The following ADCY10 variants were observed in gnomAD, a reference collection of about 807,000 sequenced individuals.
ADCY10 encodes the protein adenylate cyclase type 10.
A neutral mutation model predicts 183.3 loss-of-function variants in ADCY10; 156 were observed. The observed-to-expected ratio is 0.85, with a 90% confidence interval of 0.75 to 0.97. The LOEUF (loss-of-function observed/expected upper bound fraction) is 0.97. Among genes scored for constraint, ADCY10 ranks in the 50% least tolerant of loss-of-function variants. ADCY10 has a pLI of 0.00. For synonymous variants in ADCY10, 645 were observed against 670.0 expected (o/e 0.96, Z 0.58); for missense variants, 1,745 against 1,934.3 (o/e 0.90, Z 1.84).
chr1:167,851,678 G>A (rs180830791), intron 18 of ADCY10, among the ~76,000 whole-genome samples: 86 of 152,180 alleles, frequency 5.7e-4, no homozygotes, highest in African/African-American at 2.0e-3. Context: ...AAAAAAATTA[G>A]TCAGGCATGG....
intron 11 of ADCY10, among the ~76,000 whole-genome samples, chr1:167,879,898 C>G (rs1220385232): frequency 6.6e-6 from 1 of 152,288 alleles, no homozygotes; most frequent in Admixed American, 6.5e-5. Flanking sequence ...CCACTGCTCC[C>G]CTCTCATGAC....
At chr1:167,840,142 G>A (rs1664508481) in intron 21 of ADCY10, among the ~76,000 whole-genome samples, 1 of 151,920 alleles carries the variant, frequency 6.6e-6, no homozygotes, top group Admixed American at 6.6e-5. Flanking sequence ...TGAGGTGGGA[G>A]GATGGCTTGA....
chr1:167,823,663 T>C (rs1663072933), intron 28 of ADCY10, among the ~76,000 whole-genome samples: 1 of 152,134 alleles, frequency 6.6e-6, no homozygotes, highest in Non-Finnish European at 1.5e-5. Context: ...TTCAGTAAAG[T>C]CCCTTCCTGG....
Position 167,893,866 on chromosome 1 carries a change from C to T in ADCY10, c.815G>A (p.Ser272Asn). ...EMSLQKYVME[S>N]ILKQIDNKQL... is the part of the protein sequence containing the mutation. ...TTTTGAAAATACCTGCTTCAAAATG[C>T]TTTCCATCACATACTTTTGTAGGGA... The change falls in exon 8 of 33, where the codon AGC becomes AAC. Residue 272 changes from serine (S) to asparagine (N), a missense_variant. Physicochemically the swap from Ser to Asn is conservative, Grantham distance 46. Transcript: ENST00000367851. 1 of 1,612,916 alleles carries T rather than the reference C, an allele frequency of 6.2e-7. No homozygotes were observed. The highest frequency in any genetic ancestry group is 8.5e-7 in the Non-Finnish European group (1 of 1,179,270).
intron 26 of ADCY10, among the ~76,000 whole-genome samples, chr1:167,826,231 A>G (rs4656561): frequency 0.41 from 61,933 of 152,088 alleles, 12,892 homozygotes; most frequent in Admixed American, 0.46. Context: ...GTGGTGGGGG[A>G]AGAGAGAAGT....
At chr1:167,855,312 C>T (rs1665809112) in intron 17 of ADCY10, among the ~76,000 whole-genome samples, 1 of 150,808 alleles carries the variant, frequency 6.6e-6, no homozygotes, top group African/African-American at 2.5e-5. Context: ...GAGAGCGAAA[C>T]TAGGTCTAAA....
rs145800991 is a variant in ADCY10, at chr1:167,848,394, G to T, written c.2404C>A (p.Leu802Met). 128 of 1,613,894 alleles carry T rather than the reference G, an allele frequency of 7.9e-5. No individual in the cohort carries two copies. Among genetic ancestry groups the T allele is most frequent in the Non-Finnish European group, 1.0e-4 (123 of 1,179,970 alleles). The change falls in exon 19 of 33, where the codon CTG (leucine) becomes ATG (methionine). Residue 802 changes from leucine (L) to methionine (M), a missense_variant. Coordinates refer to ENST00000367851, the MANE Select transcript of ADCY10 (RefSeq NM_018417.6). ...GACGTTGGAGGTGACAGGTTTTTCA[G>T]TCTGACACCACTTGTGAGGTGACAG... is the stretch of plus-strand genomic sequence containing the variant. ...EVCHLTSGVR[L>M]KNLSPPTSLK...
chr1:167,836,990 A>C (rs1664255965), intron 22 of ADCY10: 1 of 448,712 alleles, frequency 2.2e-6, no homozygotes, highest in Admixed American at 3.4e-5. Context: ...GTGGCATTGC[A>C]CTCCAGCCTG....
chr1:167,903,049 G>A (rs989475620), intron 3 of ADCY10, among the ~76,000 whole-genome samples: 1 of 152,138 alleles, frequency 6.6e-6, no homozygotes, highest in African/African-American at 2.4e-5. Flanking sequence ...GAGGTCAGGA[G>A]TTAGAGACCA....
chr1:167,883,333 C>A (rs1371722778), intron 9 of ADCY10, 104 bp downstream of exon 9: 4 of 1,340,772 alleles, frequency 3.0e-6, no homozygotes. Context: ...CCACCACGCC[C>A]AGCCTCTAGG....
intron 1 of ADCY10, among the ~76,000 whole-genome samples, chr1:167,907,957 T>G (rs1205939944): frequency 6.6e-6 from 1 of 152,194 alleles, no homozygotes; most frequent in East Asian, 1.9e-4. Context: ...TAGAAGACTT[T>G]GATAAAGATA....
In ADCY10 at chr1:167,836,315, G is replaced by A. The variant is rs1293372208; in HGVS notation, c.3303C>T (p.Asn1101=). Residue 1101 remains asparagine, a synonymous_variant, in exon 23 of 33, where the codon AAC becomes AAT. Coordinates refer to ENST00000367851, the MANE Select transcript of ADCY10 (RefSeq NM_018417.6). The stretch of plus-strand genomic sequence containing the variant: ...CTGGGTAGAAACAGCTTACCATGTA[G>A]TTATCACAAAAGATGAGATAAGCAG... ...IASAYLIFCD[N]YMAYMYLNEG... 8 of 1,606,002 alleles carry A rather than the reference G, an allele frequency of 5.0e-6. No individual in the cohort carries two copies. Among genetic ancestry groups the A allele is most frequent in the African/African-American group, 1.3e-5 (1 of 74,768 alleles).
intron 13 of ADCY10, 124 bp from the exon 14 acceptor site, chr1:167,870,534 T>C (rs1393615366): frequency 3.5e-6 from 3 of 847,040 alleles, no homozygotes; most frequent in Non-Finnish European, 5.5e-6. Flanking sequence ...GGCTCACTCC[T>C]GTAATCCCAG....
At chr1:167,883,782 A>T (rs1668033938) in intron 8 of ADCY10, among the ~76,000 whole-genome samples, 154 bp from the exon 9 acceptor site, 1 of 152,122 alleles carries the variant, frequency 6.6e-6, no homozygotes, top group Non-Finnish European at 1.5e-5. Context: ...GAAGTGGAGC[A>T]GATGGAAATA....
chr1:167,829,149 A>G lies in ADCY10; in HGVS notation c.3750+118T>C, dbSNP rs1235183588. 5 of 1,246,912 alleles carry G rather than the reference A, an allele frequency of 4.0e-6. No individual in the cohort carries two copies. The African/African-American group carries it at 4.5e-5, about 11-fold the overall frequency. 77.2% of individuals were successfully genotyped at this position (1,246,912 alleles called of 1,614,324 possible). Reference sequence around the variant, plus strand: ...CTGCTGGCCTTGTCAAAACAAGCCAATCAGAAAGCCTTCTATTATTATATC... The same window carrying G: ...CTGCTGGCCTTGTCAAAACAAGCCAGTCAGAAAGCCTTCTATTATTATATC... On this transcript the variant is annotated intron_variant, in intron 26 of 32. Coordinates refer to ENST00000367851, the MANE Select transcript of ADCY10 (RefSeq NM_018417.6).
At chr1:167,863,344 A>G (rs1338616755) in intron 14 of ADCY10, among the ~76,000 whole-genome samples, 1 of 152,052 alleles carries the variant, frequency 6.6e-6, no homozygotes, top group Non-Finnish European at 1.5e-5. Flanking sequence ...TTTCACTGTG[A>G]CCACCGGTGC....
intron 14 of ADCY10, among the ~76,000 whole-genome samples, chr1:167,869,657 C>G (rs1267387836): frequency 1.3e-5 from 2 of 152,136 alleles, no homozygotes; most frequent in Non-Finnish European, 2.9e-5. Context: ...ATCTCTCGTT[C>G]TGTTCTGTTT....
chr1:167,898,777 G>T (rs1669190081), intron 6 of ADCY10, among the ~76,000 whole-genome samples: 1 of 152,074 alleles, frequency 6.6e-6, no homozygotes. Context: ...CATCTGCACG[G>T]ATTCTCTGTC....
chr1:167,855,571 C>G (rs1665829881), intron 17 of ADCY10, among the ~76,000 whole-genome samples: 1 of 152,136 alleles, frequency 6.6e-6, no homozygotes, highest in African/African-American at 2.4e-5. Flanking sequence ...TTAGTCACTG[C>G]AGGTTAAAGT....
Sources: allele counts gnomAD v4.1 joint callset (sites outside exome capture counted in the v4.1 genomes callset), GRCh38; gene constraint gnomAD v4.1.1; transcripts MANE v1.5; gene names NCBI Gene and HGNC (gene_info 2026-07-23, HGNC 2026-07-21).